Variants in SLC2A9 observed in about 807,000 individuals in gnomAD.
The protein encoded by SLC2A9 is solute carrier family 2 member 9, also known as solute carrier family 2, facilitated glucose transporter member 9.
SLC2A9 carries 39 observed loss-of-function variants against 50.6 expected under a neutral mutation model. That is an observed-to-expected ratio of 0.77 (90% CI 0.60 to 1.01). The LOEUF is 1.01. Among genes scored for constraint, SLC2A9 ranks in the 50% least tolerant of loss-of-function variants. SLC2A9 has a pLI of 0.00. For missense variants in SLC2A9, 686 were observed against 677.6 expected (o/e 1.01, Z -0.14); for synonymous variants, 324 against 276.9 (o/e 1.17, Z -1.69).
At chr4:9,788,425 A>C (rs539243496) in intron 3 of SLC2A9, among the ~76,000 whole-genome samples, 1 of 148,820 alleles carries the variant, frequency 6.7e-6, no homozygotes, top group Non-Finnish European at 1.5e-5. Flanking sequence ...TCCTGGGCTC[A>C]AACAGACCTC....
At chr4:9,808,316 C>T (rs544242230) in intron 3 of SLC2A9, among the ~76,000 whole-genome samples, 41 of 152,338 alleles carry the variant, frequency 2.7e-4, no homozygotes, top group African/African-American at 9.6e-4. Flanking sequence ...TAATCACACA[C>T]TCTATGCCTG....
At chr4:9,797,276 T>C (rs1720705215), downstream of SLC2A9, among the ~76,000 whole-genome samples, 1 of 152,236 alleles carries the variant, frequency 6.6e-6, no homozygotes, top group Non-Finnish European at 1.5e-5. Context: ...AGTATCACTA[T>C]CCTTATTTTA....
At chr4:9,935,301 C>T (rs1305803773) in intron 6 of SLC2A9, among the ~76,000 whole-genome samples, 1 of 152,204 alleles carries the variant, frequency 6.6e-6, no homozygotes, top group Non-Finnish European at 1.5e-5. Context: ...CTATTTCTTA[C>T]TGGGGGGTTT....
At chr4:9,976,350 TTC>T (rs34377168) in intron 5 of SLC2A9, among the ~76,000 whole-genome samples, 30,197 of 152,136 alleles carry the variant, frequency 0.2, 3,229 homozygotes, top group African/African-American at 0.23. Context: ...AGCCCAGTTT[TTC>T]TCTCTCTTTT....
chr4:9,836,194 T>C (rs1391696405), intron 10 of SLC2A9, among the ~76,000 whole-genome samples: 1 of 145,686 alleles, frequency 6.9e-6, no homozygotes, highest in African/African-American at 2.6e-5. Context: ...ACAAATTGGG[T>C]GAATGTATAC....
At chr4:9,841,369 T>G (rs1021135273) in intron 10 of SLC2A9, among the ~76,000 whole-genome samples, 1 of 152,174 alleles carries the variant, frequency 6.6e-6, no homozygotes, top group Non-Finnish European at 1.5e-5. Context: ...TCTCTCTTCC[T>G]TCTTCTCTCC....
chr4:9,945,085 A>G (rs192180097), intron 5 of SLC2A9, among the ~76,000 whole-genome samples: 5 of 152,348 alleles, frequency 3.3e-5, no homozygotes, highest in Admixed American at 1.3e-4. Flanking sequence ...TTCTCTCCCA[A>G]TGACAGTGGT....
At chr4:9,845,554 C>A (rs55746409) in intron 10 of SLC2A9, among the ~76,000 whole-genome samples, 23,479 of 147,744 alleles carry the variant, frequency 0.16, 2,672 homozygotes, top group African/African-American at 0.32. Flanking sequence ...CTCAGCCTCC[C>A]GAGTAGCTGG....
intron 3 of SLC2A9, among the ~76,000 whole-genome samples, chr4:9,800,968 G>A (rs996225253): frequency 8.5e-5 from 13 of 152,180 alleles, no homozygotes; most frequent in African/African-American, 3.1e-4. Flanking sequence ...GGAGTTGGAG[G>A]TCTGCCAGGT....
intron 11 of SLC2A9, among the ~76,000 whole-genome samples, chr4:9,834,150 C>A (rs1029859277): frequency 2.6e-5 from 4 of 152,202 alleles, no homozygotes; most frequent in Non-Finnish European, 5.9e-5. Flanking sequence ...CAGCTCTGCT[C>A]CCTCACTTCA....
chr4:9,781,799 A>T (rs1201732537), intron 3 of SLC2A9: 10 of 425,808 alleles, frequency 2.3e-5, no homozygotes, highest in Non-Finnish European at 3.7e-5. Context: ...TCCTGTCCCC[A>T]TCGCGGAGAC....
intron 3 of SLC2A9, among the ~76,000 whole-genome samples, chr4:9,790,681 C>T (rs928607350): frequency 1.3e-5 from 2 of 152,176 alleles, no homozygotes; most frequent in Non-Finnish European, 2.9e-5. Flanking sequence ...TGTCCTAGAA[C>T]TACTTGAAAG....
At chr4:9,782,590 TTGGGGCGGGC>T (rs1394642402) in intron 3 of SLC2A9, 1 of 1,613,918 alleles carries the variant, frequency 6.2e-7, no homozygotes, top group East Asian at 2.2e-5. Flanking sequence ...AGGCGGCCTC[TTGGGGCGGGC>T]TGGACCTGCC....
chr4:9,824,277 C>T (rs1159392524), downstream of SLC2A9, among the ~76,000 whole-genome samples: 1 of 151,372 alleles, frequency 6.6e-6, no homozygotes, highest in East Asian at 1.9e-4. Flanking sequence ...CAGATGTCCC[C>T]CTGACATTGA....
At chr4:9,897,145 C>G (rs1738706120) in intron 8 of SLC2A9, among the ~76,000 whole-genome samples, 1 of 152,202 alleles carries the variant, frequency 6.6e-6, no homozygotes, top group South Asian at 2.1e-4. Flanking sequence ...CACTCCGGCT[C>G]CAGAGTCTTG....
chr4:9,924,117 A>T (rs1043234526), intron 6 of SLC2A9: 2 of 152,144 alleles, frequency 1.3e-5, no homozygotes, highest in Non-Finnish European at 2.9e-5. Context: ...TATGGTGATT[A>T]AAAAAAGAAA....
intron 3 of SLC2A9, chr4:9,995,827 G>C (rs1343093326): frequency 6.6e-6 from 1 of 152,114 alleles, no homozygotes; most frequent in African/African-American, 2.4e-5. Context: ...TAAATGATTT[G>C]GCCAAGGGCA....
At position 9,801,066 on chromosome 4, in the gene SLC2A9, C is replaced by G. The variant is rs77574188; in HGVS notation, n.421-1825G>C. On this transcript the variant is annotated intron_variant and non_coding_transcript_variant, in intron 3 of 3. Coordinates refer to the SLC2A9 transcript ENST00000503280. ...ACTGGTGTTGGCTGCTTCTGGAAACCCTGCTTCTACCACATGTGTAAGACA... is the reference window on the plus strand; with the variant it reads ...ACTGGTGTTGGCTGCTTCTGGAAACGCTGCTTCTACCACATGTGTAAGACA... 9.3e-3 allele frequency among the ~76,000 whole-genome samples: 1,422 copies of G among 152,216 alleles called. 30 individuals carry two copies. The highest frequency in any genetic ancestry group is 0.032 in the African/African-American group (1,336 of 41,518).
intron 5 of SLC2A9, among the ~76,000 whole-genome samples, chr4:9,944,359 T>A (rs1324891018): frequency 6.6e-6 from 1 of 152,260 alleles, no homozygotes; most frequent in Admixed American, 6.5e-5. Flanking sequence ...CAATTCAGTG[T>A]TTTTGGAATC....
Sources: gnomAD v4.1 joint callset for allele counts (sites outside exome capture counted in the v4.1 genomes callset) on GRCh38, gnomAD v4.1.1 for gene constraint, MANE v1.5 for transcripts, NCBI Gene and HGNC (gene_info 2026-07-23, HGNC 2026-07-21) for gene names.